Variants in DKK3 observed in about 807,000 individuals in gnomAD.
DKK3 encodes the protein dickkopf Wnt signaling pathway inhibitor 3, also known as dickkopf-related protein 3.
A neutral mutation model predicts 33.2 loss-of-function variants in DKK3; 22 were observed. The observed-to-expected ratio is 0.66, with a 90% CI of 0.47 to 0.95. The LOEUF (loss-of-function observed/expected upper bound fraction) is 0.95. Ranked by LOEUF, DKK3 falls within the 40% of genes least tolerant of loss-of-function variation. DKK3 has a pLI of 0.00. For missense variants in DKK3, 398 were observed against 458.4 expected, an observed-to-expected ratio of 0.87 and a Z score of 1.20; for synonymous variants, 194 against 188.8, an observed-to-expected ratio of 1.03 and a Z score of -0.23.
chr11:12,009,332 A>C (rs987533516), upstream of DKK3: 2 of 977,542 alleles, frequency 2.0e-6, no homozygotes, highest in Non-Finnish European at 1.2e-6. Context: ...GGGAGCCCGC[A>C]AGACGCGCCC....
chr11:11,976,213 C>G (rs1437385459), intron 3 of DKK3, among the ~76,000 whole-genome samples: 1 of 152,198 alleles, frequency 6.6e-6, no homozygotes, highest in Non-Finnish European at 1.5e-5. Flanking sequence ...ACCAACAGCA[C>G]AACTTCCTGC....
intron 2 of DKK3, among the ~76,000 whole-genome samples, chr11:11,999,642 A>G (rs1049568374): frequency 3.9e-5 from 6 of 152,182 alleles, no homozygotes; most frequent in Admixed American, 3.9e-4. Context: ...ACAAACAAAC[A>G]AACAAACAAA....
intron 2 of DKK3, among the ~76,000 whole-genome samples, chr11:12,000,519 C>CT (rs1184063352): frequency 1.1e-4 from 13 of 117,496 alleles, no homozygotes; most frequent in African/African-American, 3.3e-4. Flanking sequence ...TTTTTTTTTT[C>CT]TTTTTTTTGA....
At chr11:11,987,436 T>C (rs1337425799) in intron 3 of DKK3, among the ~76,000 whole-genome samples, 1 of 152,244 alleles carries the variant, frequency 6.6e-6, no homozygotes, top group East Asian at 1.9e-4. Context: ...CTCTGATTTC[T>C]CATCTGTAAA....
intron 3 of DKK3, among the ~76,000 whole-genome samples, chr11:11,987,425 T>C (rs2135059379): frequency 6.6e-6 from 1 of 152,312 alleles, no homozygotes; most frequent in African/African-American, 2.4e-5. Context: ...ATCCCTCCCA[T>C]CTCTGATTTC....
At chr11:11,977,487 G>A (rs1420567750) in intron 3 of DKK3, among the ~76,000 whole-genome samples, 1 of 151,672 alleles carries the variant, frequency 6.6e-6, no homozygotes, top group African/African-American at 2.4e-5. Context: ...GAAGTTAGAC[G>A]CATATTTAAC....
intron 3 of DKK3, among the ~76,000 whole-genome samples, chr11:11,977,648 G>A (rs912900947): frequency 6.6e-6 from 1 of 152,160 alleles, no homozygotes; most frequent in Non-Finnish European, 1.5e-5. Flanking sequence ...CCAAAGGCAC[G>A]CTGTGTGGGT....
At chr11:12,005,508 G>A (rs1232877074) in intron 1 of DKK3, among the ~76,000 whole-genome samples, 3 of 152,176 alleles carry the variant, frequency 2.0e-5, no homozygotes, top group African/African-American at 4.8e-5. Flanking sequence ...TACATTGATT[G>A]GTAGCATATA....
At chr11:11,978,461 C>T (rs1847884403) in intron 3 of DKK3, among the ~76,000 whole-genome samples, 1 of 147,222 alleles carries the variant, frequency 6.8e-6, no homozygotes, top group African/African-American at 2.4e-5. Context: ...TCTTCCTCTC[C>T]TTCCTCCACT....
intron 4 of DKK3, among the ~76,000 whole-genome samples, chr11:11,967,442 C>T (rs577879400): frequency 4.2e-4 from 64 of 152,324 alleles, no homozygotes; most frequent in African/African-American, 1.4e-3. Context: ...CCCAAAGAGG[C>T]AAGGCCCAAT....
At chr11:11,998,350 G>A (rs1349791690) in intron 3 of DKK3, 1 of 378,200 alleles carries the variant, frequency 2.6e-6, no homozygotes. Context: ...AGCCATCCCA[G>A]AGGCTCTGGG....
intron 2 of DKK3, among the ~76,000 whole-genome samples, chr11:12,000,581 C>T (rs1229753207): frequency 6.6e-6 from 1 of 151,710 alleles, no homozygotes; most frequent in African/African-American, 2.4e-5. Context: ...TCTCAGCTCA[C>T]TGCAACCTCT....
intron 3 of DKK3, among the ~76,000 whole-genome samples, chr11:11,980,931 C>A: frequency 6.6e-6 from 1 of 152,136 alleles, no homozygotes; most frequent in East Asian, 1.9e-4. Context: ...AGGGAAATGC[C>A]TCAGTCCCTA....
intron 3 of DKK3, among the ~76,000 whole-genome samples, chr11:11,988,884 A>T (rs1188342708): frequency 6.6e-6 from 1 of 152,204 alleles, no homozygotes; most frequent in Non-Finnish European, 1.5e-5. Context: ...GGCATCAGTT[A>T]AGCTTTAAAA....
At chr11:12,000,015 A>T (rs1405066677) in intron 2 of DKK3, among the ~76,000 whole-genome samples, 7 of 152,220 alleles carry the variant, frequency 4.6e-5, no homozygotes, top group Admixed American at 3.9e-4. Context: ...GTCATATTTT[A>T]AAAAATTCTA....
At chr11:11,966,110 G>A (rs1014842618) in intron 5 of DKK3, 145 bp from the exon 6 acceptor site, 48 of 1,044,848 alleles carry the variant, frequency 4.6e-5, no homozygotes, top group Admixed American at 8.4e-5. Flanking sequence ...GGAATGACAG[G>A]AAACAAGAAT....
Position 11,975,018 on chromosome 11 carries a change from A to G in DKK3, c.436-6531T>C, listed in dbSNP as rs576065406. Among the ~76,000 whole-genome samples the G allele has an allele frequency of 5.3e-5, 8 of 152,342 alleles. No homozygotes were observed. In the East Asian group the frequency reaches 1.5e-3, roughly 29 times the overall value. On this transcript the variant is annotated intron_variant, in intron 3 of 6. Coordinates refer to ENST00000683431, the MANE Select transcript of DKK3 (RefSeq NM_001018057.2). ...AAAGCTCAGATTTACACACACATTC[A>G]TAAGAGCACACATCCTTCCCTCACA...
chr11:12,002,069 A>G (rs1388173682), intron 2 of DKK3: 5 of 401,636 alleles, frequency 1.2e-5, no homozygotes, highest in Non-Finnish European at 2.2e-5. Context: ...ACTGGCAGGA[A>G]GCCTAGGGTT....
At chr11:11,981,614 G>C (rs1286867660) in intron 3 of DKK3, among the ~76,000 whole-genome samples, 1 of 152,168 alleles carries the variant, frequency 6.6e-6, no homozygotes, top group African/African-American at 2.4e-5. Context: ...TTACGGGGCT[G>C]GGGGTGGGGC....
Sources: allele counts gnomAD v4.1 joint callset (sites outside exome capture counted in the v4.1 genomes callset), GRCh38; gene constraint gnomAD v4.1.1; transcripts MANE v1.5; gene names NCBI Gene and HGNC (gene_info 2026-07-23, HGNC 2026-07-21).